Variants in RMDN2 observed in about 807,000 individuals in gnomAD.
RMDN2 encodes the protein regulator of microtubule dynamics protein 2.
Under a neutral mutation model 52.8 loss-of-function variants are expected in RMDN2, and 61 were observed. That is an observed-to-expected ratio of 1.16 (90% CI 0.94 to 1.43). RMDN2 has a LOEUF of 1.43. Ranked by LOEUF, RMDN2 falls within the 40% of genes most tolerant of loss-of-function variation. The pLI is 0.00. For synonymous variants in RMDN2, 180 were observed against 153.1 expected (o/e 1.18, Z -1.30); for missense variants, 592 against 475.3 (o/e 1.25, Z -2.28).
At chr2:38,039,538 G>A (rs1462674239) in intron 10 of RMDN2, among the ~76,000 whole-genome samples, 1 of 152,094 alleles carries the variant, frequency 6.6e-6, no homozygotes, top group Non-Finnish European at 1.5e-5. Context: ...ATTCACCCTC[G>A]CCCTGATTTT....
chr2:37,970,977 A>G (rs981139089), intron 2 of RMDN2, among the ~76,000 whole-genome samples: 1 of 151,994 alleles, frequency 6.6e-6, no homozygotes, highest in Admixed American at 6.5e-5. Context: ...TATATGATTC[A>G]TAACATATTT....
intron 1 of RMDN2, chr2:37,928,630 C>T (rs543551096): frequency 1.2e-4 from 19 of 152,378 alleles, no homozygotes; most frequent in African/African-American, 4.3e-4. Context: ...TCTCTGCTCA[C>T]ATAATCTGCC....
chr2:38,050,181 C>G (rs1264120326), intron 10 of RMDN2, among the ~76,000 whole-genome samples: 1 of 152,262 alleles, frequency 6.6e-6, no homozygotes, highest in Middle Eastern at 3.4e-3. Flanking sequence ...AAAATGAACT[C>G]TGTGAGACCT....
At chr2:38,021,313 A>G (rs1679356376), downstream of RMDN2, among the ~76,000 whole-genome samples, 1 of 152,196 alleles carries the variant, frequency 6.6e-6, no homozygotes, top group East Asian at 1.9e-4. Flanking sequence ...TGGAGCAATC[A>G]GCAGGATGTG....
intron 2 of RMDN2, among the ~76,000 whole-genome samples, chr2:37,931,410 T>C (rs1022445843): frequency 6.6e-6 from 1 of 152,218 alleles, no homozygotes; most frequent in African/African-American, 2.4e-5. Context: ...AAATCTGTGG[T>C]ATTTCTTCAT....
chr2:37,984,073 T>G (rs1288507572), intron 5 of RMDN2, among the ~76,000 whole-genome samples: 2 of 152,216 alleles, frequency 1.3e-5, no homozygotes, highest in African/African-American at 4.8e-5. Flanking sequence ...AAACAAAAGA[T>G]GTAATCTTTA....
chr2:37,940,029 C>G (rs1003034908), intron 2 of RMDN2, among the ~76,000 whole-genome samples: 1 of 152,100 alleles, frequency 6.6e-6, no homozygotes, highest in African/African-American at 2.4e-5. Flanking sequence ...CCAGTTTTTC[C>G]TTTCCGTATT....
At position 37,951,203 on chromosome 2, in the gene RMDN2, T is replaced by C. The variant is rs1481559085; in HGVS notation, c.452+21474T>C. ...GTCTCCACTCTGCTCCCTATTTTTT[T>C]TCCTCATTTGACCCTTTTCTCACTC... On this transcript the variant is annotated intron_variant, in intron 2 of 10. Transcript: ENST00000354545. The C allele has an allele frequency of 4.6e-6, 7 of 1,519,422 alleles. No individual in the cohort carries two copies. The African/African-American group carries it at 9.8e-5, about 21-fold the overall frequency. 94.1% of individuals were successfully genotyped at this position (1,519,422 alleles called of 1,614,324 possible).
chr2:38,046,854 G>A (rs9917312), intron 10 of RMDN2, among the ~76,000 whole-genome samples: 13,753 of 151,872 alleles, frequency 0.091, 833 homozygotes, highest in African/African-American at 0.17. Context: ...CTAGTGGCGG[G>A]TGCCTGTAGT....
At chr2:38,061,245 G>A (rs1682035198) in intron 10 of RMDN2, among the ~76,000 whole-genome samples, 2 of 152,026 alleles carry the variant, frequency 1.3e-5, no homozygotes, top group Admixed American at 6.6e-5. Context: ...TGCAGGCACT[G>A]AGTTATCAGA....
chr2:37,932,774 C>T (rs1310938475), intron 2 of RMDN2, among the ~76,000 whole-genome samples: 9 of 136,830 alleles, frequency 6.6e-5, no homozygotes, highest in African/African-American at 1.4e-4. Flanking sequence ...CGGGCAGAGG[C>T]GCCCCTCACC....
chr2:37,943,498 C>T lies in RMDN2; in HGVS notation c.452+13769C>T, dbSNP rs149209162. ...TTATCTTAAAATGTGGTTAATAATG[C>T]ATGTCTCATGTTGTTTTAGATGCTA... On this transcript the variant is annotated intron_variant, in intron 2 of 10. Transcript: ENST00000354545. Among the ~76,000 whole-genome samples the T allele has an allele frequency of 6.0e-3, 908 of 152,258 alleles. 11 individuals are homozygous for T. Among genetic ancestry groups the T allele is most frequent in the African/African-American group, 0.02 (849 of 41,558 alleles).
intron 10 of RMDN2, among the ~76,000 whole-genome samples, chr2:38,008,468 C>G (rs1462219297): frequency 2.0e-5 from 3 of 152,184 alleles, no homozygotes; most frequent in Non-Finnish European, 4.4e-5. Context: ...TAATGGCCTT[C>G]TTTGTCTCTT....
In RMDN2 at chr2:37,989,621, T is replaced by A; in HGVS notation, c.867+5T>A. The A allele has an allele frequency of 6.3e-7, 1 of 1,577,318 alleles. No homozygotes were observed. The highest frequency in any genetic ancestry group is 8.6e-7 in the Non-Finnish European group (1 of 1,156,886). ...AACTATGGGCACCTCTTCAAGGTATTTCTTTTTTTTTTTTCATATTTCTTT... is the reference window on the plus strand; with the variant it reads ...AACTATGGGCACCTCTTCAAGGTATATCTTTTTTTTTTTTCATATTTCTTT... On this transcript the variant is annotated splice_donor_5th_base_variant and intron_variant, in intron 6 of 10. Coordinates refer to ENST00000354545, the MANE Select transcript of RMDN2 (RefSeq NM_001170791.3).
rs1395885804 is a variant in RMDN2 at position 37,997,471 on chromosome 2, T to C, written c.1001T>C (p.Ile334Thr). The change falls in exon 8 of 11, where the codon ATA becomes ACA. Residue 334 changes from isoleucine (I) to threonine (T), a missense_variant. Transcript: ENST00000354545. Reference protein sequence around the residue: ...KKMAATLFGKIPSSTVQEALH... With the variant: ...KKMAATLFGKTPSSTVQEALH... ...ATGGCTGCTACTCTGTTTGGAAAAA[T>C]ACCATCTTCAACTGTACAAGAAGCT... 1.2e-6 allele frequency: 2 copies of C among 1,613,694 alleles called. No homozygotes were observed. Among genetic ancestry groups the C allele is most frequent in the East Asian group, 2.2e-5 (1 of 44,854 alleles).
chr2:37,997,636 A>G, intron 8 of RMDN2, 122 bp downstream of exon 8: 2 of 699,554 alleles, frequency 2.9e-6, no homozygotes, highest in South Asian at 1.7e-5. Flanking sequence ...TGGTTTTGGC[A>G]TGTTCTGTTT....
intron 2 of RMDN2, 75 bp from the exon 3 acceptor site, chr2:37,973,964 CT>C (rs1672128629): frequency 1.7e-6 from 2 of 1,191,474 alleles, no homozygotes; most frequent in Non-Finnish European, 2.4e-6. Flanking sequence ...CATGATTTGA[CT>C]TGCATTTTAA....
chr2:37,962,163 C>G (rs1486999891), intron 2 of RMDN2, among the ~76,000 whole-genome samples: 1 of 152,228 alleles, frequency 6.6e-6, no homozygotes, highest in Non-Finnish European at 1.5e-5. Context: ...TCCGGAGGCA[C>G]AAGGGTCAGG....
chr2:37,951,771 A>T (rs1223650864), intron 2 of RMDN2: 1 of 1,613,332 alleles, frequency 6.2e-7, no homozygotes. Flanking sequence ...TAACACTAAA[A>T]ATTTTAAGAA....
Sources: gnomAD v4.1 joint callset for allele counts (sites outside exome capture counted in the v4.1 genomes callset) on GRCh38, gnomAD v4.1.1 for gene constraint, MANE v1.5 for transcripts, NCBI Gene and HGNC (gene_info 2026-07-23, HGNC 2026-07-21) for gene names.